PDE7A: variants seen among roughly 807,000 people sequenced by gnomAD.
The protein encoded by PDE7A is phosphodiesterase 7A, also known as high affinity 3',5'-cyclic-AMP phosphodiesterase 7A.
In PDE7A, 39 loss-of-function variants were observed where a neutral mutation model predicts 64.3. The ratio of observed to expected loss-of-function variants is 0.61; its 90% CI spans 0.47 to 0.79. The LOEUF (loss-of-function observed/expected upper bound fraction) is 0.79, where lower values mean the gene tolerates loss of function less well. Ranked by LOEUF, PDE7A falls within the 30% of genes least tolerant of loss-of-function variation. PDE7A has a pLI of 0.00. For missense variants in PDE7A, 470 were observed against 582.8 expected, an observed-to-expected ratio of 0.81 and a Z score of 1.99; for synonymous variants, 203 against 206.8, an observed-to-expected ratio of 0.98 and a Z score of 0.16.
intron 4 of PDE7A, among the ~76,000 whole-genome samples, chr8:65,745,780 A>C (rs1228012244): frequency 6.6e-6 from 1 of 152,224 alleles, no homozygotes; most frequent in Non-Finnish European, 1.5e-5. Flanking sequence ...ACATCACAGA[A>C]GTGTGGTTCA....
intron 1 of PDE7A, among the ~76,000 whole-genome samples, chr8:65,832,359 GATAA>G (rs1406172905): frequency 2.0e-5 from 3 of 151,930 alleles, no homozygotes; most frequent in African/African-American, 7.2e-5. Context: ...TTTTCACAGT[GATAA>G]ATAATGGGAT....
intron 1 of PDE7A, chr8:65,838,738 G>A (rs1354100233): frequency 6.6e-6 from 1 of 152,214 alleles, no homozygotes; most frequent in Non-Finnish European, 1.5e-5. Flanking sequence ...GCTTCTAAGA[G>A]TTTTTCTTCT....
At chr8:65,745,537 C>CA in intron 4 of PDE7A, 67 bp from the exon 5 acceptor site, 1 of 853,032 alleles carries the variant, frequency 1.2e-6, no homozygotes, top group Non-Finnish European at 1.9e-6. Context: ...GGAGATATTC[C>CA]ATAGAGAAGT....
intron 3 of PDE7A, among the ~76,000 whole-genome samples, chr8:65,773,904 C>A (rs971481978): frequency 6.6e-6 from 1 of 152,152 alleles, no homozygotes. Context: ...AGGGGGTAGG[C>A]TGGAGACTCC....
At chr8:65,726,283 C>A (rs1371481826) in intron 9 of PDE7A, among the ~76,000 whole-genome samples, 1 of 152,088 alleles carries the variant, frequency 6.6e-6, no homozygotes, top group African/African-American at 2.4e-5. Flanking sequence ...ATCGTGTTAG[C>A]CTTATTCACA....
chr8:65,794,390 A>T lies in PDE7A; in HGVS notation c.139-11547T>A, dbSNP rs547183895. 9.3e-5 allele frequency among the ~76,000 whole-genome samples: 14 copies of T among 151,086 alleles called. No homozygotes were observed. The East Asian group carries it at 2.5e-3, about 27-fold the overall frequency. On this transcript the variant is annotated intron_variant, in intron 1 of 12. Transcript: ENST00000401827. ...TAAGTGGTTACAGTGTTTATCTTGA[A>T]AGATACTTTTTTTAATGAGACCGAT...
rs1806146364 is a variant in PDE7A at position 65,716,382 on chromosome 8, G to C, written c.*2908C>G. On this transcript the variant is annotated 3_prime_UTR_variant, in exon 13 of 13. Transcript: ENST00000401827. ...GAATGGAGCCCAGGTAAGCTCAACT[G>C]AAACAAGGCTTGAGGTAATGACGTT... Among the ~76,000 whole-genome samples the C allele has an allele frequency of 6.6e-6, 1 of 152,140 alleles. No homozygotes were observed. Among genetic ancestry groups the C allele is most frequent in the Non-Finnish European group, 1.5e-5 (1 of 68,026 alleles).
At chr8:65,813,737 A>T (rs1810311044) in intron 1 of PDE7A, among the ~76,000 whole-genome samples, 1 of 152,210 alleles carries the variant, frequency 6.6e-6, no homozygotes, top group Non-Finnish European at 1.5e-5. Context: ...CTTATGGGAC[A>T]ATTACAAAGA....
intron 1 of PDE7A, among the ~76,000 whole-genome samples, chr8:65,801,795 G>T (rs1337755706): frequency 6.6e-6 from 1 of 152,140 alleles, no homozygotes; most frequent in African/African-American, 2.4e-5. Context: ...AAGACTAACA[G>T]CAATGTAACT....
chr8:65,726,173 A>G (rs1195525269), intron 9 of PDE7A, among the ~76,000 whole-genome samples: 1 of 152,182 alleles, frequency 6.6e-6, no homozygotes, highest in Non-Finnish European at 1.5e-5. Flanking sequence ...ATCCACTTTC[A>G]TGGTTTGCTG....
chr8:65,833,721 T>G (rs985519095), intron 1 of PDE7A, among the ~76,000 whole-genome samples: 1 of 152,116 alleles, frequency 6.6e-6, no homozygotes, highest in Non-Finnish European at 1.5e-5. Flanking sequence ...CCCAGCACTT[T>G]GGGAGGCCAA....
intron 11 of PDE7A, 65 bp from the exon 12 acceptor site, chr8:65,723,686 G>A: frequency 8.7e-7 from 1 of 1,142,874 alleles, no homozygotes; most frequent in Non-Finnish European, 1.2e-6. Flanking sequence ...TATAATTAAA[G>A]GCTTGAACAT....
intron 1 of PDE7A, among the ~76,000 whole-genome samples, chr8:65,783,655 C>T (rs1563506054): frequency 6.6e-6 from 1 of 152,198 alleles, no homozygotes; most frequent in Non-Finnish European, 1.5e-5. Context: ...CTGCGTGTTA[C>T]TAAAAGCTCC....
chr8:65,756,433 T>C (rs912506857), intron 3 of PDE7A, among the ~76,000 whole-genome samples: 2 of 152,198 alleles, frequency 1.3e-5, no homozygotes, highest in Non-Finnish European at 2.9e-5. Flanking sequence ...ATTTCTCTTT[T>C]TTTTCTCTCT....
intron 3 of PDE7A, among the ~76,000 whole-genome samples, chr8:65,769,471 A>G (rs1808968774): frequency 6.6e-6 from 1 of 152,214 alleles, no homozygotes; most frequent in African/African-American, 2.4e-5. Context: ...AAGAATTCGT[A>G]ATCATCAAAA....
chr8:65,797,058 T>C lies in PDE7A; in HGVS notation c.139-14215A>G, dbSNP rs963565369. On this transcript the variant is annotated intron_variant, in intron 1 of 12. Coordinates refer to ENST00000401827, the MANE Select transcript of PDE7A (RefSeq NM_001242318.3). ...AGTAAAAAATGATTGGAAAATGAAATTTTAAAAATACCATTTGCAATCATA... is the reference window on the plus strand; with the variant it reads ...AGTAAAAAATGATTGGAAAATGAAACTTTAAAAATACCATTTGCAATCATA... Among the ~76,000 whole-genome samples the C allele has an allele frequency of 7.9e-5, 12 of 152,110 alleles. No homozygotes were observed. In the East Asian group the frequency reaches 9.6e-4, roughly 12 times the overall value.
Position 65,716,586 on chromosome 8 carries a change from A to T in PDE7A, c.*2704T>A, listed in dbSNP as rs1806153280. 6.6e-6 allele frequency among the ~76,000 whole-genome samples: 1 copy of T among 152,234 alleles called. No individual in the cohort carries two copies. The highest frequency in any genetic ancestry group is 6.5e-5 in the Admixed American group (1 of 15,284). ...ACGAGGCAACTTGCTTCCCTTGCTCAGAATCCATGCTCACCAGCTGCTCAT... is the reference window on the plus strand; with the variant it reads ...ACGAGGCAACTTGCTTCCCTTGCTCTGAATCCATGCTCACCAGCTGCTCAT... On this transcript the variant is annotated 3_prime_UTR_variant, in exon 13 of 13. Coordinates refer to ENST00000401827, the MANE Select transcript of PDE7A (RefSeq NM_001242318.3).
intron 1 of PDE7A, among the ~76,000 whole-genome samples, chr8:65,805,873 T>C (rs967335084): frequency 6.6e-5 from 10 of 152,226 alleles, no homozygotes; most frequent in Admixed American, 3.9e-4. Flanking sequence ...AACAGTCACT[T>C]ACTGTATTAT....
chr8:65,794,476 C>T (rs1296881073), intron 1 of PDE7A, among the ~76,000 whole-genome samples: 2 of 151,144 alleles, frequency 1.3e-5, no homozygotes, highest in African/African-American at 2.4e-5. Context: ...CAGACCAATA[C>T]TTGTAGGCAA....
Sources: allele counts gnomAD v4.1 joint callset (sites outside exome capture counted in the v4.1 genomes callset), GRCh38; gene constraint gnomAD v4.1.1; transcripts MANE v1.5; gene names NCBI Gene and HGNC (gene_info 2026-07-23, HGNC 2026-07-21).